CD81: variants seen among roughly 807,000 people sequenced by gnomAD.
CD81 encodes the protein CD81 molecule, also known as CD81 antigen.
In CD81, 10 loss-of-function variants were observed where a neutral mutation model predicts 30.1. The ratio of observed to expected loss-of-function variants is 0.33; its 90% CI spans 0.21 to 0.56. CD81 has a LOEUF of 0.56. Among genes scored for constraint, CD81 ranks in the 20% least tolerant of loss-of-function variants. The pLI is 0.89. For missense variants in CD81, 263 were observed against 308.7 expected (o/e 0.85, Z 1.11); for synonymous variants, 147 against 126.4 (o/e 1.16, Z -1.10).
At chr11:2,376,523 A>C (rs1383952216), upstream of CD81, among the ~76,000 whole-genome samples, 1 of 152,214 alleles carries the variant, frequency 6.6e-6, no homozygotes, top group African/African-American at 2.4e-5. Context: ...TAAGTGCAGC[A>C]GGCCTGGCCC....
At chr11:2,386,986 G>A (rs187651158) in intron 1 of CD81, among the ~76,000 whole-genome samples, 2 of 152,362 alleles carry the variant, frequency 1.3e-5, no homozygotes, top group East Asian at 3.9e-4. Flanking sequence ...CCAGAGCACA[G>A]CAAGAAGCTG....
chr11:2,390,579 C>A (rs1849881262), intron 2 of CD81, 53 bp downstream of exon 2: 1 of 1,290,526 alleles, frequency 7.7e-7, no homozygotes, highest in Non-Finnish European at 1.1e-6. Context: ...TAGGAGGAGG[C>A]AGGTCCTAGC....
intron 2 of CD81, chr11:2,391,156 A>G (rs74050522): frequency 0.098 from 16,760 of 170,794 alleles, 2,456 homozygotes; most frequent in African/African-American, 0.34. Context: ...AGAGAGCAGC[A>G]CCCTTCCTCC....
Position 2,395,750 on chromosome 11 carries a change from CT to C in CD81, c.460-118del. Reference sequence around the variant, plus strand: ...AGCTGAGGAGGAAGAAGGCTGGCCCCTGGATGCATTCTGCAGTGGGGAGCGC... The same window carrying C: ...AGCTGAGGAGGAAGAAGGCTGGCCCCGGATGCATTCTGCAGTGGGGAGCGC... On this transcript the variant is annotated intron_variant, in intron 5 of 7. Coordinates refer to ENST00000263645, the MANE Select transcript of CD81 (RefSeq NM_004356.4). 3.7e-6 allele frequency: 3 copies of C among 805,158 alleles called. No homozygotes were observed. The South Asian group carries it at 4.2e-5, about 11-fold the overall frequency. The allele number at this position is 805,158 out of a possible 1,614,324, so 49.9% of individuals were successfully genotyped here. A position where few individuals can be genotyped will look rare whatever the true frequency, so the allele number is the denominator to read the frequency against.
chr11:2,392,586 C>G (rs1379109675), intron 2 of CD81: 1 of 152,408 alleles, frequency 6.6e-6, no homozygotes, highest in Non-Finnish European at 1.5e-5. Flanking sequence ...TGGGCTCTGC[C>G]TGGGCCCCCA....
intron 5 of CD81, 159 bp downstream of exon 5, chr11:2,395,679 C>A: frequency 1.3e-6 from 1 of 756,620 alleles, no homozygotes; most frequent in Non-Finnish European, 2.3e-6. Flanking sequence ...GGGTGGGAAC[C>A]TAGTGGGCCA....
At position 2,397,216 on chromosome 11, in the gene CD81, ACCCAGCCCGC is replaced by A. The variant is rs1850029709; in HGVS notation, c.*353_*362del. On this transcript the variant is annotated 3_prime_UTR_variant, in exon 8 of 8. Transcript: ENST00000263645. Reference sequence around the variant, plus strand: ...TTGGCCAACTTGGGGGGCTGTGTCCACCCAGCCCGCCCGTCCTGTGGGCTGCACAGCTCAC... The same window carrying A: ...TTGGCCAACTTGGGGGGCTGTGTCCACCGTCCTGTGGGCTGCACAGCTCAC... The A allele has an allele frequency of 2.0e-5, 8 of 405,314 alleles. No homozygotes were observed. The highest frequency in any genetic ancestry group is 3.7e-5 in the Non-Finnish European group (8 of 215,512). 25.1% of individuals were successfully genotyped at this position (405,314 alleles called of 1,614,324 possible).
chr11:2,396,624 G>C lies in CD81; in HGVS notation c.562-4G>C, dbSNP rs756029677. 3.7e-6 allele frequency: 6 copies of C among 1,610,634 alleles called. No individual in the cohort carries two copies. Among genetic ancestry groups the C allele is most frequent in the Non-Finnish European group, 5.1e-6 (6 of 1,179,824 alleles). ...TGACCACGCGTGCCTGGCCACCCCT[G>C]CAGGAGGACTGCCACCAGAAGATCG... On this transcript the variant is annotated splice_region_variant and splice_polypyrimidine_tract_variant and intron_variant, in intron 6 of 7. Coordinates refer to ENST00000263645, the MANE Select transcript of CD81 (RefSeq NM_004356.4).
In CD81 at chr11:2,394,089, C is replaced by T. The variant is rs199682895; in HGVS notation, c.182-6C>T. 2.6e-5 allele frequency: 42 copies of T among 1,610,578 alleles called. No individual in the cohort carries two copies. Among genetic ancestry groups the T allele is most frequent in the East Asian group, 1.6e-4 (7 of 44,844 alleles). On this transcript the variant is annotated splice_polypyrimidine_tract_variant and splice_region_variant and intron_variant, in intron 2 of 7. Transcript: ENST00000263645. The stretch of plus-strand genomic sequence containing the variant: ...GGCACCCACCTGGTGTCTCTCTCCC[C>T]GCAAGGCATCTACATCCTCATCGCT...
chr11:2,386,160 G>T (rs1564991209), intron 1 of CD81: 2 of 717,324 alleles, frequency 2.8e-6, no homozygotes, highest in Non-Finnish European at 5.2e-6. Context: ...TGGCAAGGTG[G>T]AGCATCTCTT....
At chr11:2,387,551 C>T (rs953870095) in intron 1 of CD81, among the ~76,000 whole-genome samples, 50 of 152,206 alleles carry the variant, frequency 3.3e-4, no homozygotes, top group Non-Finnish European at 2.8e-4. Context: ...CCCCAGCCCC[C>T]ACCCTTCCTG....
At chr11:2,385,748 G>A (rs74048500) in intron 1 of CD81, 21,422 of 496,750 alleles carry the variant, frequency 0.043, 2,811 homozygotes, top group African/African-American at 0.32. Context: ...TTTATTGCCG[G>A]GCAGGGTTGC....
chr11:2,389,601 C>T (rs1589850342), intron 1 of CD81, among the ~76,000 whole-genome samples: 1 of 152,154 alleles, frequency 6.6e-6, no homozygotes, highest in East Asian at 1.9e-4. Context: ...GCCTCATCCC[C>T]ACCTGCCAGA....
Position 2,390,654 on chromosome 11 carries a change from C to T in CD81, c.181+128C>T, listed in dbSNP as rs533970772. ...ATGGCGTGTCCGGGCAGGGAGGCGGCCCTGGAAAGGGCTCTGGGCACAAGG... is the reference window on the plus strand; with the variant it reads ...ATGGCGTGTCCGGGCAGGGAGGCGGTCCTGGAAAGGGCTCTGGGCACAAGG... On this transcript the variant is annotated intron_variant, in intron 2 of 7. Coordinates refer to ENST00000263645, the MANE Select transcript of CD81 (RefSeq NM_004356.4). The T allele has an allele frequency of 1.1e-5, 8 of 734,218 alleles. No individual in the cohort carries two copies. In the African/African-American group the frequency reaches 1.2e-4, roughly 11 times the overall value. The allele number at this position is 734,218 out of a possible 1,614,324, so 45.5% of individuals were successfully genotyped here. A position where few individuals can be genotyped will look rare whatever the true frequency, so the allele number is the denominator to read the frequency against.
chr11:2,382,203 GGCATC>G (rs1849715979), intron 1 of CD81, among the ~76,000 whole-genome samples: 1 of 152,242 alleles, frequency 6.6e-6, no homozygotes, highest in Non-Finnish European at 1.5e-5. Context: ...GCCAGGATAA[GGCATC>G]TGCCCCCCAC....
chr11:2,384,485 G>T (rs1046648593), intron 1 of CD81, among the ~76,000 whole-genome samples: 1 of 140,544 alleles, frequency 7.1e-6, no homozygotes, highest in African/African-American at 2.7e-5. Context: ...GCATCTTGTG[G>T]GGTAGGGCGG....
Position 2,397,092 on chromosome 11 carries a change from T to C in CD81, c.*226T>C. On this transcript the variant is annotated 3_prime_UTR_variant, in exon 8 of 8. Transcript: ENST00000263645. Reference sequence around the variant, plus strand: ...TATGAGTGGAGACGGGCCTGGGTCTTGGGGACTGGAGGGCAGGGGTCCTTC... The same window carrying C: ...TATGAGTGGAGACGGGCCTGGGTCTCGGGGACTGGAGGGCAGGGGTCCTTC... 1 of 586,850 alleles carries C rather than the reference T, an allele frequency of 1.7e-6. No homozygotes were observed. Among genetic ancestry groups the C allele is most frequent in the Non-Finnish European group, 3.1e-6 (1 of 326,184 alleles). The allele number at this position is 586,850 out of a possible 1,614,324, so 36.4% of individuals were successfully genotyped here. A position where few individuals can be genotyped will look rare whatever the true frequency, so the allele number is the denominator to read the frequency against.
intron 1 of CD81, among the ~76,000 whole-genome samples, chr11:2,387,189 C>T (rs74050508): frequency 0.03 from 4,554 of 152,224 alleles, 242 homozygotes; most frequent in African/African-American, 0.1. Context: ...GCTTCCGAGC[C>T]AGGCACGGTT....
chr11:2,388,539 C>T (rs1317058978), intron 1 of CD81, among the ~76,000 whole-genome samples: 1 of 152,240 alleles, frequency 6.6e-6, no homozygotes, highest in Admixed American at 6.5e-5. Context: ...CCCTCAGTTT[C>T]TCTTCTGCAG....
Sources: allele counts gnomAD v4.1 joint callset (sites outside exome capture counted in the v4.1 genomes callset), GRCh38; gene constraint gnomAD v4.1.1; transcripts MANE v1.5; gene names NCBI Gene and HGNC (gene_info 2026-07-23, HGNC 2026-07-21).